Variants in HOMEZ observed in about 807,000 individuals in gnomAD.
HOMEZ encodes homeobox and leucine zipper protein Homez.
A neutral mutation model predicts 50.1 loss-of-function variants in HOMEZ; 20 were observed. The observed-to-expected ratio is 0.40, with a 90% CI of 0.28 to 0.58. The LOEUF (loss-of-function observed/expected upper bound fraction) is 0.58. Ranked by LOEUF, HOMEZ falls within the 20% of genes least tolerant of loss-of-function variation. HOMEZ has a pLI of 0.46. For missense variants in HOMEZ, 579 were observed against 680.5 expected, an observed-to-expected ratio of 0.85 and a Z score of 1.66; for synonymous variants, 239 against 254.7, an observed-to-expected ratio of 0.94 and a Z score of 0.59.
At chr14:23,283,509 CCA>C (rs1886600160) in intron 1 of HOMEZ, among the ~76,000 whole-genome samples, 1 of 152,228 alleles carries the variant, frequency 6.6e-6, no homozygotes, top group Admixed American at 6.5e-5. Context: ...TCTTAAACTT[CCA>C]GTTTCTGTGT....
intron 1 of HOMEZ, among the ~76,000 whole-genome samples, chr14:23,281,377 A>G (rs1886553087): frequency 6.6e-6 from 1 of 152,182 alleles, no homozygotes; most frequent in South Asian, 2.1e-4. Flanking sequence ...GAATTCTTCA[A>G]TAAGGCCAAC....
Position 23,273,429 on chromosome 14 carries a change from C to A in HOMEZ, c.*2146G>T, listed in dbSNP as rs1566446779. 1 of 152,342 alleles carries A rather than the reference C, an allele frequency of 6.6e-6. No individual in the cohort carries two copies. Among genetic ancestry groups the A allele is most frequent in the Non-Finnish European group, 1.5e-5 (1 of 68,198 alleles). 9.4% of individuals were successfully genotyped at this position (152,342 alleles called of 1,614,324 possible). A position where few individuals can be genotyped will look rare whatever the true frequency, so the allele number is the denominator to read the frequency against. ...AACTGTTGGAGACACTGATTTTCAG[C>A]TTAGTATATAGATAGTAAAATAAAG... On this transcript the variant is annotated 3_prime_UTR_variant, in exon 2 of 2. Coordinates refer to ENST00000357460, the MANE Select transcript of HOMEZ (RefSeq NM_020834.3).
At chr14:23,280,749 T>TTTTATTTTATTTTATTTTA (rs1886522255) in intron 1 of HOMEZ, among the ~76,000 whole-genome samples, 2 of 100,436 alleles carry the variant, frequency 2.0e-5, no homozygotes, top group East Asian at 2.9e-4. Context: ...TATTATTTTA[T>TTTTATTTTATTTTATTTTA]TTTATTTTAT....
rs1886198770 is a variant in HOMEZ at position 23,272,727 on chromosome 14, C to G, written c.*2848G>C. On this transcript the variant is annotated 3_prime_UTR_variant, in exon 2 of 2. Transcript: ENST00000357460. The stretch of plus-strand genomic sequence containing the variant: ...TATGGGGAAGCAAAAGCAGTGGTGT[C>G]TGTCTCGATAAGCTTCATACAACAG... The G allele has an allele frequency of 1.3e-6, 1 of 774,884 alleles. No homozygotes were observed. The highest frequency in any genetic ancestry group is 2.7e-5 in the East Asian group (1 of 37,228). The allele number at this position is 774,884 out of a possible 1,614,324, so 48.0% of individuals were successfully genotyped here.
chr14:23,272,863 G>T lies in HOMEZ; in HGVS notation c.*2712C>A, dbSNP rs1489367784. On this transcript the variant is annotated 3_prime_UTR_variant, in exon 2 of 2. Coordinates refer to ENST00000357460, the MANE Select transcript of HOMEZ (RefSeq NM_020834.3). ...CGGAGGCATATGGGATTACCCAGTG[G>T]GAGAGAAGCATGGACCACTTCTAGA... 36 of 1,547,542 alleles carry T rather than the reference G, an allele frequency of 2.3e-5. No homozygotes were observed. Among genetic ancestry groups the T allele is most frequent in the Non-Finnish European group, 3.1e-5 (36 of 1,144,990 alleles).
At position 23,275,963 on chromosome 14, in the gene HOMEZ, T is replaced by C. The variant is rs528506463; in HGVS notation, c.1265A>G (p.Asn422Ser). The C allele has an allele frequency of 1.5e-5, 25 of 1,613,008 alleles. No homozygotes were observed. In the Admixed American group the frequency reaches 4.0e-4, roughly 26 times the overall value. Reference protein sequence around the residue: ...KHGQLKWFRDNAVPGAPSFQD... With the variant: ...KHGQLKWFRDSAVPGAPSFQD... ...GAAACTAGGGGCACCAGGTACTGCGTTGTCCCGAAACCACTTTAGTTGCCC... is the reference window on the plus strand; with the variant it reads ...GAAACTAGGGGCACCAGGTACTGCGCTGTCCCGAAACCACTTTAGTTGCCC... Residue 422 changes from asparagine (N) to serine (S), a missense_variant, in exon 2 of 2, where the codon AAC (asparagine) becomes AGC (serine). Physicochemically the swap from Asn to Ser is conservative, Grantham distance 46. Coordinates refer to ENST00000357460, the MANE Select transcript of HOMEZ (RefSeq NM_020834.3).
At position 23,272,957 on chromosome 14, in the gene HOMEZ, G is replaced by C; in HGVS notation, c.*2618C>G. 1.1e-6 allele frequency: 1 copy of C among 892,914 alleles called. No homozygotes were observed. The allele number at this position is 892,914 out of a possible 1,614,324, so 55.3% of individuals were successfully genotyped here. On this transcript the variant is annotated 3_prime_UTR_variant, in exon 2 of 2. Transcript: ENST00000357460. ...GGACTGTAGCTTCCAGTACGCATTA[G>C]GGGTGATGGCCCTGGAAAATGTATC...
intron 1 of HOMEZ, among the ~76,000 whole-genome samples, chr14:23,283,307 C>G (rs772654931): frequency 1.7e-4 from 26 of 152,094 alleles, no homozygotes; most frequent in Admixed American, 1.6e-3. Context: ...CTTTGGGAGG[C>G]AGGAGGATCA....
In HOMEZ at chr14:23,276,374, G is replaced by A. The variant is rs970596421; in HGVS notation, c.854C>T (p.Ser285Phe). Residue 285 changes from serine (S) to phenylalanine (F), a missense_variant, in exon 2 of 2, where the codon TCT becomes TTT. Coordinates refer to ENST00000357460, the MANE Select transcript of HOMEZ (RefSeq NM_020834.3). The surrounding 1 kb of genome is among the most constrained non-coding windows in gnomAD (Gnocchi z 4.1). ...EESASSVTPS[S>F]SSTSSSFQVL... The stretch of plus-strand genomic sequence containing the variant: ...CTGGAAAGAAGAAGAGGTAGAGGAA[G>A]AAGAGGGAGTAACACTAGATGCTGA... The A allele has an allele frequency of 2.8e-5, 45 of 1,613,920 alleles. No homozygotes were observed. The highest frequency in any genetic ancestry group is 3.7e-5 in the Non-Finnish European group (44 of 1,179,892).
intron 1 of HOMEZ, among the ~76,000 whole-genome samples, chr14:23,281,506 G>T (rs118137732): frequency 1.1e-4 from 16 of 152,146 alleles, no homozygotes; most frequent in Admixed American, 1.3e-4. Flanking sequence ...CAGAGAGTAC[G>T]TAAGAGTACT....
Position 23,275,873 on chromosome 14 carries a change from G to T in HOMEZ, c.1355C>A (p.Pro452Gln), listed in dbSNP as rs756143600. 1.3e-5 allele frequency: 20 copies of T among 1,598,548 alleles called. No homozygotes were observed. In the Admixed American group the frequency reaches 2.2e-4, roughly 18 times the overall value. ...TGGGGGTGGAGGGATCGGCAGAGGT[G>T]GTGTCTCAGCCCTTTCGTTCAAGGA... ...TRSLNERAET[P>Q]PLPIPPPPPD... Residue 452 changes from proline to glutamine, a missense_variant, in exon 2 of 2, where the codon CCA becomes CAA. Transcript: ENST00000357460.
At chr14:23,280,709 A>ATTTTTTTTATTTTATTT (rs1031806493) in intron 1 of HOMEZ, among the ~76,000 whole-genome samples, 4 of 49,792 alleles carry the variant, frequency 8.0e-5, no homozygotes, top group Non-Finnish European at 1.5e-4. Context: ...TTATATTTTT[A>ATTTTTTTTATTTTATTT]TTTTTATTTT....
intron 1 of HOMEZ, among the ~76,000 whole-genome samples, chr14:23,282,119 TC>T (rs1312384449): frequency 2.6e-5 from 4 of 152,178 alleles, no homozygotes. Flanking sequence ...GACTTCAACT[TC>T]ATGGAGGTGA....
Position 23,272,738 on chromosome 14 carries a change from A to G in HOMEZ, c.*2837T>C. 1.2e-6 allele frequency: 1 copy of G among 826,860 alleles called. No individual in the cohort carries two copies. The highest frequency in any genetic ancestry group is 2.0e-6 in the Non-Finnish European group (1 of 491,906). The allele number at this position is 826,860 out of a possible 1,614,324, so 51.2% of individuals were successfully genotyped here. On this transcript the variant is annotated 3_prime_UTR_variant, in exon 2 of 2. Transcript: ENST00000357460. ...AAAAGCAGTGGTGTCTGTCTCGATA[A>G]GCTTCATACAACAGGTCAGAGAGAC...
chr14:23,279,447 G>C (rs1014179195), intron 1 of HOMEZ, among the ~76,000 whole-genome samples: 11 of 152,138 alleles, frequency 7.2e-5, no homozygotes, highest in African/African-American at 2.7e-4. Context: ...TTTAAAGAGA[G>C]TGACCGGGTG....
chr14:23,272,521 C>T lies in HOMEZ; in HGVS notation c.*3054G>A, dbSNP rs557573388. On this transcript the variant is annotated 3_prime_UTR_variant, in exon 2 of 2. Coordinates refer to ENST00000357460, the MANE Select transcript of HOMEZ (RefSeq NM_020834.3). ...CTCCTCAGAGGCCTAAGAACTCTGC[C>T]TCCCTGGTAGTCATCTCTGGGTGTG... The T allele has an allele frequency of 1.9e-5, 7 of 370,466 alleles. No individual in the cohort carries two copies. The highest frequency in any genetic ancestry group is 3.5e-5 in the Non-Finnish European group (7 of 201,488). 22.9% of individuals were successfully genotyped at this position (370,466 alleles called of 1,614,324 possible).
At chr14:23,277,605 G>A (rs1187266928) in intron 1 of HOMEZ, among the ~76,000 whole-genome samples, 1 of 152,106 alleles carries the variant, frequency 6.6e-6, no homozygotes, top group East Asian at 1.9e-4. Flanking sequence ...AATCAGCTGG[G>A]CATGGTGGTT....
intron 1 of HOMEZ, among the ~76,000 whole-genome samples, chr14:23,277,821 G>GTGTC (rs1187383726): frequency 6.6e-6 from 1 of 151,796 alleles, no homozygotes; most frequent in Non-Finnish European, 1.5e-5. Context: ...GTGTATGTGT[G>GTGTC]TGTCTGTGTG....
At position 23,278,330 on chromosome 14, in the gene HOMEZ, G is replaced by A. The variant is rs116420531; in HGVS notation, c.41-1143C>T. On this transcript the variant is annotated intron_variant, in intron 1 of 1. Transcript: ENST00000357460. ...AGACTCAACCACAAAAACAAGAGGA[G>A]CAATAATTTCAACTGGTTTGTGTGT... Among the ~76,000 whole-genome samples the A allele has an allele frequency of 2.3e-3, 346 of 152,096 alleles. 3 individuals are homozygous for A. The highest frequency in any genetic ancestry group is 7.5e-3 in the African/African-American group (311 of 41,484).
Sources: gnomAD v4.1 joint callset for allele counts (sites outside exome capture counted in the v4.1 genomes callset) on GRCh38, gnomAD v4.1.1 for gene constraint, Gnocchi (gnomAD v3.1) non-coding constraint, MANE v1.5 for transcripts, NCBI Gene and HGNC (gene_info 2026-07-23, HGNC 2026-07-21) for gene names.